The following LGR5 variants were observed in gnomAD, a reference collection of about 807,000 sequenced individuals.
LGR5 encodes the protein leucine rich repeat containing G protein-coupled receptor 5, also known as leucine-rich repeat-containing G protein-coupled receptor 5.
A neutral mutation model predicts 76.7 loss-of-function variants in LGR5; 54 were observed. That is an observed-to-expected ratio of 0.70 (90% CI 0.57 to 0.88). The LOEUF is 0.88. LGR5 is among the 40% of genes least tolerant of loss of function. The pLI, the probability that LGR5 is intolerant of heterozygous loss-of-function variation, is 0.00. For synonymous variants in LGR5, 406 were observed against 421.9 expected, an observed-to-expected ratio of 0.96 and a Z score of 0.46; for missense variants, 1,078 against 1,073.3, an observed-to-expected ratio of 1.00 and a Z score of -0.06.
chr12:71,524,715 A>G (rs1204452995), intron 3 of LGR5, among the ~76,000 whole-genome samples: 1 of 152,180 alleles, frequency 6.6e-6, no homozygotes, highest in Non-Finnish European at 1.5e-5. Flanking sequence ...GCCTTTAAAT[A>G]ACTACCTTAT....
chr12:71,530,202 G>T (rs952446501), intron 3 of LGR5, among the ~76,000 whole-genome samples: 20 of 152,006 alleles, frequency 1.3e-4, no homozygotes, highest in African/African-American at 4.8e-4. Context: ...AATAGAAGTG[G>T]CATTACAAAA....
intron 2 of LGR5, among the ~76,000 whole-genome samples, chr12:71,506,541 T>G (rs536096268): frequency 3.9e-5 from 6 of 152,312 alleles, no homozygotes; most frequent in Middle Eastern, 6.8e-3. Context: ...TTGAAAATGC[T>G]ACTATTAATA....
intron 3 of LGR5, among the ~76,000 whole-genome samples, chr12:71,527,467 T>C (rs757916921): frequency 4.4e-4 from 67 of 152,306 alleles, no homozygotes; most frequent in Middle Eastern, 3.4e-3. Flanking sequence ...ATAGGAATGC[T>C]GTGTCTTCCT....
In LGR5 at chr12:71,551,769, CTT is replaced by C. The variant is rs566978624; in HGVS notation, c.429-1303_429-1302del. On this transcript the variant is annotated intron_variant, in intron 4 of 17. Transcript: ENST00000266674. ...AGGTGGCAACAGCTCATTAACCAGA[CTT>C]ATTTTTAGATGTATTTCCCCATTTT... Among the ~76,000 whole-genome samples the C allele has an allele frequency of 1.2e-3, 189 of 152,260 alleles. 1 individual carries two copies. In the South Asian group the frequency reaches 0.013, roughly 11 times the overall value.
At chr12:71,560,233 A>G (rs989536022) in intron 7 of LGR5, among the ~76,000 whole-genome samples, 4 of 152,246 alleles carry the variant, frequency 2.6e-5, no homozygotes, top group Non-Finnish European at 5.9e-5. Context: ...CCTTATCAAT[A>G]ATATAAACAG....
chr12:71,567,676 T>C (rs1362004715), intron 11 of LGR5, among the ~76,000 whole-genome samples: 5 of 152,140 alleles, frequency 3.3e-5, no homozygotes, highest in South Asian at 2.1e-4. Flanking sequence ...GAATGTTAAG[T>C]AGATAAACGG....
In LGR5 at chr12:71,571,119, G is replaced by C. The variant is rs994606764; in HGVS notation, c.1071-395G>C. On this transcript the variant is annotated intron_variant, in intron 11 of 17. Coordinates refer to ENST00000266674, the MANE Select transcript of LGR5 (RefSeq NM_003667.4). ...TTTTGAATTGTTAGGTTTTTTTAAA[G>C]AGTTGATTAGAAAAGAAACAACAAT... 2.0e-5 allele frequency: 3 copies of C among 153,528 alleles called. No homozygotes were observed. The Admixed American group carries it at 2.0e-4, about 10-fold the overall frequency. 9.5% of individuals were successfully genotyped at this position (153,528 alleles called of 1,614,324 possible). A position where few individuals can be genotyped will look rare whatever the true frequency, so the allele number is the denominator to read the frequency against.
At chr12:71,506,652 T>C (rs770819370) in intron 2 of LGR5, among the ~76,000 whole-genome samples, 1 of 152,204 alleles carries the variant, frequency 6.6e-6, no homozygotes, top group Non-Finnish European at 1.5e-5. Flanking sequence ...CTTTAAAGAC[T>C]ATTCATTCCA....
intron 1 of LGR5, among the ~76,000 whole-genome samples, chr12:71,479,641 G>A (rs1373888743): frequency 6.6e-6 from 1 of 152,056 alleles, no homozygotes; most frequent in African/African-American, 2.4e-5. Flanking sequence ...AGATCAAGAG[G>A]ACTTATCTGG....
Position 71,556,708 on chromosome 12 carries a change from T to G in LGR5, c.716+18T>G. On this transcript the variant is annotated intron_variant, in intron 6 of 17. Coordinates refer to ENST00000266674, the MANE Select transcript of LGR5 (RefSeq NM_003667.4). ...GAGACTTTGTGAGTTGACCTTTTATTTGTTTCCCTTTTTTCAGTATTTTCA... is the reference window on the plus strand; with the variant it reads ...GAGACTTTGTGAGTTGACCTTTTATGTGTTTCCCTTTTTTCAGTATTTTCA... 6.4e-7 allele frequency: 1 copy of G among 1,568,186 alleles called. No homozygotes were observed. Among genetic ancestry groups the G allele is most frequent in the African/African-American group, 1.4e-5 (1 of 74,052 alleles).
chr12:71,458,753 CT>C (rs1872582158), intron 1 of LGR5, among the ~76,000 whole-genome samples: 2 of 152,120 alleles, frequency 1.3e-5, no homozygotes. Flanking sequence ...AACTGCCCAC[CT>C]TGTGCTAGAT....
chr12:71,585,467 C>T lies in LGR5; in HGVS notation c.*733C>T, dbSNP rs976446932. On this transcript the variant is annotated 3_prime_UTR_variant, in exon 18 of 18. Transcript: ENST00000266674. Reference sequence around the variant, plus strand: ...TACTAAGGCAATCATGCACAGGTGACGTATGTCTTATCTGATTTGTTTTTA... The same window carrying T: ...TACTAAGGCAATCATGCACAGGTGATGTATGTCTTATCTGATTTGTTTTTA... The T allele has an allele frequency of 6.6e-6, 1 of 152,188 alleles. No individual in the cohort carries two copies. The highest frequency in any genetic ancestry group is 2.4e-5 in the African/African-American group (1 of 41,456). 9.4% of individuals were successfully genotyped at this position (152,188 alleles called of 1,614,324 possible).
At chr12:71,453,314 G>A (rs1057335243) in intron 1 of LGR5, among the ~76,000 whole-genome samples, 4 of 152,186 alleles carry the variant, frequency 2.6e-5, no homozygotes, top group Admixed American at 1.3e-4. Flanking sequence ...TGAAGACACT[G>A]CACAAATCTC....
At chr12:71,467,199 C>T (rs1248091768) in intron 1 of LGR5, among the ~76,000 whole-genome samples, 1 of 152,136 alleles carries the variant, frequency 6.6e-6, no homozygotes, top group Non-Finnish European at 1.5e-5. Flanking sequence ...GAAAAGAGAT[C>T]TGTCTGATTC....
intron 1 of LGR5, among the ~76,000 whole-genome samples, chr12:71,493,049 G>T (rs1874145472): frequency 6.6e-6 from 1 of 151,310 alleles, no homozygotes; most frequent in African/African-American, 2.5e-5. Context: ...AGTTTCAGCA[G>T]AAAATTTTCC....
At position 71,491,898 on chromosome 12, in the gene LGR5, C is replaced by A. The variant is rs77910728; in HGVS notation, c.213-12716C>A. Among the ~76,000 whole-genome samples, 516 of 150,750 alleles carry A rather than the reference C, an allele frequency of 3.4e-3. 3 individuals carry two copies. Among genetic ancestry groups the A allele is most frequent in the African/African-American group, 0.012 (496 of 40,928 alleles). On this transcript the variant is annotated intron_variant, in intron 1 of 17. Transcript: ENST00000266674. ...GAATTTGTTGCACATAAGTCTTGAA[C>A]AAATCTCCAACCTCATCCATTAGCT...
At chr12:71,566,076 A>G (rs1467608856) in intron 8 of LGR5, among the ~76,000 whole-genome samples, 1 of 152,030 alleles carries the variant, frequency 6.6e-6, no homozygotes, top group African/African-American at 2.4e-5. Flanking sequence ...CCTTTTTGCC[A>G]CTCAATGGAT....
At chr12:71,524,339 T>A (rs942647050) in intron 2 of LGR5, 67 bp from the exon 3 acceptor site, 15 of 1,144,622 alleles carry the variant, frequency 1.3e-5, no homozygotes, top group Non-Finnish European at 1.8e-5. Context: ...TGCATTTTTT[T>A]AACAACTAAA....
At chr12:71,565,333 GTGTC>G (rs1878285419) in intron 8 of LGR5, among the ~76,000 whole-genome samples, 2 of 151,164 alleles carry the variant, frequency 1.3e-5, no homozygotes, top group Middle Eastern at 6.8e-3. Flanking sequence ...GCTTGCCAAG[GTGTC>G]TGAGCCTCAA....
Sources: gnomAD v4.1 joint callset for allele counts (sites outside exome capture counted in the v4.1 genomes callset) on GRCh38, gnomAD v4.1.1 for gene constraint, MANE v1.5 for transcripts, NCBI Gene and HGNC (gene_info 2026-07-23, HGNC 2026-07-21) for gene names.